The following PPM1L variants were observed in gnomAD, a reference collection of about 807,000 sequenced individuals.
The protein encoded by PPM1L is protein phosphatase, Mg2+/Mn2+ dependent 1L.
A neutral mutation model predicts 31.4 loss-of-function variants in PPM1L; 13 were observed. The ratio of observed to expected loss-of-function variants is 0.41; its 90% CI spans 0.27 to 0.66. The LOEUF is 0.66. PPM1L is among the 30% of genes least tolerant of loss of function. PPM1L has a pLI of 0.29. For synonymous variants in PPM1L, 184 were observed against 175.4 expected (o/e 1.05, Z -0.39); for missense variants, 326 against 453.7 (o/e 0.72, Z 2.56).
At chr3:160,856,685 AAAAACTG>A (rs1560128111) in intron 1 of PPM1L, among the ~76,000 whole-genome samples, 4 of 152,128 alleles carry the variant, frequency 2.6e-5, no homozygotes, top group African/African-American at 9.7e-5. Context: ...GTGAGGATTG[AAAAACTG>A]CCTATCAGAT....
rs575508813 is a variant in PPM1L, at chr3:160,906,537, G to A, written c.400-55199G>A. Among the ~76,000 whole-genome samples the A allele has an allele frequency of 5.9e-5, 9 of 152,218 alleles. No homozygotes were observed. In the South Asian group the frequency reaches 6.2e-4, roughly 11 times the overall value. On this transcript the variant is annotated intron_variant, in intron 1 of 3. Transcript: ENST00000498165. ...GAATTGCTTGAACCTGGGAGGCGGC[G>A]GTTGCAGTGAGCCAAGATCATGCCA...
At chr3:160,853,662 A>AT (rs1286787979) in intron 1 of PPM1L, among the ~76,000 whole-genome samples, 3 of 151,216 alleles carry the variant, frequency 2.0e-5, no homozygotes, top group African/African-American at 7.4e-5. Context: ...CATTTGGGTT[A>AT]TACTGAATGA....
chr3:161,026,038 A>C (rs1227741657), intron 2 of PPM1L, among the ~76,000 whole-genome samples: 1 of 152,212 alleles, frequency 6.6e-6, no homozygotes, highest in African/African-American at 2.4e-5. Context: ...TAAAAGAAAT[A>C]TAATTAAGAC....
intron 1 of PPM1L, among the ~76,000 whole-genome samples, chr3:160,857,631 A>G (rs774285201): frequency 1.3e-5 from 2 of 152,158 alleles, no homozygotes; most frequent in Admixed American, 6.6e-5. Context: ...CATTTTGAGT[A>G]TCTATTCTAT....
chr3:160,997,884 T>C (rs1303088891), intron 2 of PPM1L, among the ~76,000 whole-genome samples: 2 of 152,168 alleles, frequency 1.3e-5, no homozygotes, highest in Non-Finnish European at 2.9e-5. Flanking sequence ...AAATTGTATA[T>C]GTCCTGAAGA....
intron 1 of PPM1L, among the ~76,000 whole-genome samples, chr3:160,806,879 G>T (rs1712616938): frequency 6.7e-6 from 1 of 148,374 alleles, no homozygotes; most frequent in Non-Finnish European, 1.5e-5. Flanking sequence ...GGAAAGGGAG[G>T]AAGGAAGAAA....
chr3:160,862,419 T>C (rs1711924713), intron 1 of PPM1L, among the ~76,000 whole-genome samples: 2 of 152,096 alleles, frequency 1.3e-5, no homozygotes. Flanking sequence ...GTATGTTTTC[T>C]GGAAACCAGC....
intron 2 of PPM1L, among the ~76,000 whole-genome samples, chr3:160,987,969 A>T (rs1717017947): frequency 6.6e-6 from 1 of 152,152 alleles, no homozygotes; most frequent in African/African-American, 2.4e-5. Context: ...CCAGGCTTAT[A>T]TGGCGGAATT....
intron 2 of PPM1L, among the ~76,000 whole-genome samples, chr3:161,009,835 T>C (rs568744024): frequency 6.6e-6 from 1 of 152,292 alleles, no homozygotes; most frequent in African/African-American, 2.4e-5. Context: ...ACCAAACATT[T>C]TGACTTGCTC....
chr3:160,777,384 CAA>C (rs1271818785), intron 1 of PPM1L, among the ~76,000 whole-genome samples: 2 of 152,078 alleles, frequency 1.3e-5, no homozygotes, highest in African/African-American at 2.4e-5. Flanking sequence ...AATCATGTAA[CAA>C]AATTTATCAT....
intron 2 of PPM1L, among the ~76,000 whole-genome samples, chr3:161,007,331 G>C (rs897905442): frequency 1.3e-5 from 2 of 152,206 alleles, no homozygotes; most frequent in Non-Finnish European, 2.9e-5. Context: ...GTAAATACCT[G>C]AATAAAATGG....
intron 1 of PPM1L, among the ~76,000 whole-genome samples, chr3:160,880,016 C>T (rs943897551): frequency 1.3e-5 from 2 of 152,132 alleles, no homozygotes; most frequent in African/African-American, 4.8e-5. Flanking sequence ...CAGCTGGTAG[C>T]ACTCTTTAAA....
chr3:160,817,126 C>G (rs1188912728), intron 1 of PPM1L, among the ~76,000 whole-genome samples: 1 of 151,962 alleles, frequency 6.6e-6, no homozygotes, highest in African/African-American at 2.4e-5. Flanking sequence ...TTGGATCTAC[C>G]AGTGGTCTTC....
intron 1 of PPM1L, among the ~76,000 whole-genome samples, chr3:160,928,145 G>C (rs1206218167): frequency 2.0e-5 from 3 of 152,134 alleles, no homozygotes; most frequent in African/African-American, 7.2e-5. Flanking sequence ...CGATGATCTG[G>C]CTTCCATAGA....
At chr3:160,924,288 T>C (rs1439177974) in intron 1 of PPM1L, among the ~76,000 whole-genome samples, 1 of 152,164 alleles carries the variant, frequency 6.6e-6, no homozygotes, top group Non-Finnish European at 1.5e-5. Flanking sequence ...TTTGGATACA[T>C]TGAAGAATCC....
intron 1 of PPM1L, among the ~76,000 whole-genome samples, chr3:160,891,538 C>T (rs1359065080): frequency 6.6e-6 from 1 of 152,146 alleles, no homozygotes; most frequent in Non-Finnish European, 1.5e-5. Flanking sequence ...AATGCTTTTA[C>T]ACTGTTGGTG....
At chr3:160,772,938 G>A (rs1715296412) in intron 1 of PPM1L, among the ~76,000 whole-genome samples, 1 of 151,784 alleles carries the variant, frequency 6.6e-6, no homozygotes, top group East Asian at 1.9e-4. Context: ...CCCATTGTAT[G>A]GATATATATC....
At chr3:160,867,864 G>A (rs1028666954) in intron 1 of PPM1L, among the ~76,000 whole-genome samples, 3 of 152,066 alleles carry the variant, frequency 2.0e-5, no homozygotes, top group African/African-American at 7.2e-5. Flanking sequence ...AGGACAGACT[G>A]TCTATGACAC....
intron 1 of PPM1L, among the ~76,000 whole-genome samples, chr3:160,889,224 T>G (rs946622699): frequency 1.3e-5 from 2 of 152,130 alleles, no homozygotes; most frequent in Non-Finnish European, 2.9e-5. Flanking sequence ...AAGTTGGTTT[T>G]TTGAAAAAAT....
Sources: gnomAD v4.1 joint callset for allele counts (sites outside exome capture counted in the v4.1 genomes callset) on GRCh38, gnomAD v4.1.1 for gene constraint, MANE v1.5 for transcripts, NCBI Gene and HGNC (gene_info 2026-07-23, HGNC 2026-07-21) for gene names.